EYA3: variants seen among roughly 807,000 people sequenced by gnomAD.
EYA3 encodes EYA transcriptional coactivator and phosphatase 3, also known as protein phosphatase EYA3.
EYA3 carries 39 observed loss-of-function variants against 80.0 expected under a neutral mutation model. That is an observed-to-expected ratio of 0.49 (90% CI 0.38 to 0.64). The LOEUF (loss-of-function observed/expected upper bound fraction) is 0.64, where lower values mean the gene tolerates loss of function less well. EYA3 is among the 30% of genes least tolerant of loss of function. EYA3 has a pLI of 0.00. For missense variants in EYA3, 523 were observed against 676.1 expected, an observed-to-expected ratio of 0.77 and a Z score of 2.51; for synonymous variants, 206 against 232.8, an observed-to-expected ratio of 0.88 and a Z score of 1.05.
chr1:28,039,688 G>C (rs1643664380), intron 4 of EYA3, among the ~76,000 whole-genome samples: 1 of 152,124 alleles, frequency 6.6e-6, no homozygotes, highest in Non-Finnish European at 1.5e-5. Flanking sequence ...AAGAGTACCT[G>C]ACCCAAAAAG....
intron 11 of EYA3, among the ~76,000 whole-genome samples, chr1:28,000,843 G>T (rs1640784468): frequency 6.6e-6 from 1 of 152,118 alleles, no homozygotes; most frequent in South Asian, 2.1e-4. Flanking sequence ...CAGGTGGACT[G>T]CTCGAGCCCA....
chr1:27,986,952 T>C (rs1639700974), intron 16 of EYA3, among the ~76,000 whole-genome samples: 1 of 152,168 alleles, frequency 6.6e-6, no homozygotes, highest in Non-Finnish European at 1.5e-5. Context: ...TCCACCCACC[T>C]GAGCCTCCCA....
At chr1:28,075,847 CTTTCAGAAATCCA>C (rs1645181231) in intron 1 of EYA3, among the ~76,000 whole-genome samples, 1 of 152,166 alleles carries the variant, frequency 6.6e-6, no homozygotes, top group African/African-American at 2.4e-5. Context: ...TGTTTCCTAT[CTTTCAGAAATCCA>C]TTAAAGTCTC....
intron 17 of EYA3, among the ~76,000 whole-genome samples, chr1:27,977,576 C>A (rs900841871): frequency 6.6e-6 from 1 of 151,040 alleles, no homozygotes; most frequent in Non-Finnish European, 1.5e-5. Context: ...CTGGGCCAGG[C>A]GTGGTGGCTC....
At chr1:28,052,350 C>T (rs571222355) in intron 2 of EYA3, among the ~76,000 whole-genome samples, 11 of 152,196 alleles carry the variant, frequency 7.2e-5, no homozygotes, top group Non-Finnish European at 1.5e-4. Context: ...GTAATCAAGA[C>T]CGTGTGGTAC....
intron 16 of EYA3, among the ~76,000 whole-genome samples, chr1:27,986,857 C>T (rs1639693432): frequency 6.6e-6 from 1 of 152,146 alleles, no homozygotes; most frequent in Non-Finnish European, 1.5e-5. Context: ...CGAGTGCCAC[C>T]ACGCCCAGCT....
chr1:28,044,066 G>A (rs1643913441), intron 3 of EYA3, among the ~76,000 whole-genome samples: 2 of 152,040 alleles, frequency 1.3e-5, no homozygotes, highest in Non-Finnish European at 2.9e-5. Flanking sequence ...ACATAAACTG[G>A]GAGGACAAGT....
Position 28,035,603 on chromosome 1 carries a change from T to G in EYA3, c.302A>C (p.Gln101Pro), listed in dbSNP as rs904634001. 7 of 1,614,070 alleles carry G rather than the reference T, an allele frequency of 4.3e-6. No homozygotes were observed. The highest frequency in any genetic ancestry group is 5.9e-6 in the Non-Finnish European group (7 of 1,180,016). ...AGGGTAGACAGCATAGGGTTGAGTC[T>G]GCTGTAGTGTCTGGTATTGAGTCTG... Reference protein sequence around the residue: ...PGQTQYQTLQQTQPYAVYPQA... With the variant: ...PGQTQYQTLQPTQPYAVYPQA... The change falls in exon 6 of 18, where the codon CAG (glutamine) becomes CCG (proline). Residue 101 changes from glutamine to proline, a missense_variant. By Grantham distance (76) the Gln-to-Pro change is moderately conservative (BLOSUM62 -1). Around this residue, in one of 2 missense-constraint regions of EYA3, gnomAD observed 304 missense variants for 343.3 expected, o/e 0.89. Transcript: ENST00000373871.
intron 17 of EYA3, among the ~76,000 whole-genome samples, chr1:27,978,120 C>T (rs1038339629): frequency 3.3e-5 from 5 of 151,800 alleles, no homozygotes; most frequent in African/African-American, 1.2e-4. Flanking sequence ...TGATGGGATC[C>T]CTGTAGAAGG....
At chr1:27,975,569 T>TC (rs537465220) in intron 17 of EYA3, among the ~76,000 whole-genome samples, 104 of 150,442 alleles carry the variant, frequency 6.9e-4, no homozygotes, top group African/African-American at 2.4e-3. Flanking sequence ...CACTGCAAGC[T>TC]CCGCCTCCCG....
chr1:27,995,177 G>T (rs1292105532), intron 13 of EYA3, among the ~76,000 whole-genome samples: 2 of 151,796 alleles, frequency 1.3e-5, no homozygotes, highest in Admixed American at 6.6e-5. Context: ...GGCCAATGAG[G>T]GGGGATCACT....
Position 28,046,099 on chromosome 1 carries a change from T to TG in EYA3, c.77+2283dup, listed in dbSNP as rs554920975. On this transcript the variant is annotated intron_variant, in intron 3 of 17. Coordinates refer to ENST00000373871, the MANE Select transcript of EYA3 (RefSeq NM_001990.4). ...AATGGTGGTTGCCAGGAGCTGGAGA[T>TG]GGGGGAGTGGAGAATATTGTTTAGT... Among the ~76,000 whole-genome samples, 501 of 152,162 alleles carry TG rather than the reference T, an allele frequency of 3.3e-3. 6 individuals carry two copies. The highest frequency in any genetic ancestry group is 0.011 in the African/African-American group (453 of 41,502).
At chr1:27,990,270 C>A in intron 14 of EYA3, 1 of 181,718 alleles carries the variant, frequency 5.5e-6, no homozygotes, top group East Asian at 1.4e-4. Flanking sequence ...GTCACATCAC[C>A]CACCATCTTC....
chr1:28,003,291 C>T (rs1037685554), intron 11 of EYA3, among the ~76,000 whole-genome samples: 27 of 151,158 alleles, frequency 1.8e-4, no homozygotes, highest in African/African-American at 6.6e-4. Flanking sequence ...ACAACAACAA[C>T]AACAACAACA....
Position 28,051,146 on chromosome 1 carries a change from T to TA in EYA3, c.34-2721dup, listed in dbSNP as rs562241625. ...AAGCTGCCAGGAAGTAAGAAAGCAA[T>TA]AAAGCTGAAAAAGCTCCGTTAGGGT... On this transcript the variant is annotated intron_variant, in intron 2 of 17. Transcript: ENST00000373871. Among the ~76,000 whole-genome samples the TA allele has an allele frequency of 5.9e-4, 89 of 152,120 alleles. 2 individuals are homozygous for TA. In the South Asian group the frequency reaches 0.018, roughly 30 times the overall value.
rs1024335865 is a variant in EYA3 at position 28,076,737 on chromosome 1, CT to C, written c.-69+11786del. Among the ~76,000 whole-genome samples, 903 of 115,100 alleles carry C rather than the reference CT, an allele frequency of 7.8e-3. 1 individual carries two copies. The highest frequency in any genetic ancestry group is 1.0e-2 in the Non-Finnish European group (551 of 55,222). 75.5% of individuals were successfully genotyped at this position (115,100 alleles called of 152,430 possible). On this transcript the variant is annotated intron_variant, in intron 1 of 17. Transcript: ENST00000373871. ...CTAAGAATAATTGCTTTTATAATTT[CT>C]TTTTTTTTTTTTTTTTTTTGAGACA...
chr1:28,021,984 A>G (rs1642468890), intron 7 of EYA3, among the ~76,000 whole-genome samples: 1 of 152,126 alleles, frequency 6.6e-6, no homozygotes. Context: ...ATAACTGACA[A>G]TTCCTGATCC....
intron 3 of EYA3, among the ~76,000 whole-genome samples, chr1:28,046,408 G>A (rs1195595702): frequency 6.6e-6 from 1 of 152,142 alleles, no homozygotes; most frequent in Non-Finnish European, 1.5e-5. Context: ...TCCAAGAGAA[G>A]CAGATTAAGT....
intron 8 of EYA3, among the ~76,000 whole-genome samples, chr1:28,016,845 A>C (rs2148803483): frequency 6.6e-6 from 1 of 152,352 alleles, no homozygotes; most frequent in South Asian, 2.1e-4. Flanking sequence ...GTAAATGAAC[A>C]AAACAGAAAA....
Sources: gnomAD v4.1 joint callset for allele counts (sites outside exome capture counted in the v4.1 genomes callset) on GRCh38, gnomAD v4.1.1 for gene constraint, gnomAD v4.1.1 regional missense constraint, MANE v1.5 for transcripts, NCBI Gene and HGNC (gene_info 2026-07-23, HGNC 2026-07-21) for gene names.